TACR1: variants seen among roughly 807,000 people sequenced by gnomAD.
The protein encoded by TACR1 is tachykinin receptor 1.
In TACR1, 25 loss-of-function variants were observed where a neutral mutation model predicts 35.8. The ratio of observed to expected loss-of-function variants is 0.70; its 90% CI spans 0.51 to 0.98. The LOEUF (loss-of-function observed/expected upper bound fraction) is 0.98, where lower values mean the gene tolerates loss of function less well. TACR1 is among the 50% of genes least tolerant of loss of function. TACR1 has a pLI of 0.00. For synonymous variants in TACR1, 195 were observed against 206.7 expected (o/e 0.94, Z 0.48); for missense variants, 478 against 522.9 (o/e 0.91, Z 0.84).
intron 1 of TACR1, among the ~76,000 whole-genome samples, chr2:75,147,917 TG>T (rs1674551538): frequency 6.6e-6 from 1 of 152,022 alleles, no homozygotes; most frequent in African/African-American, 2.4e-5. Context: ...GCTAATTTTT[TG>T]TATTTTTTTA....
At chr2:75,089,126 G>T (rs548311273) in intron 2 of TACR1, among the ~76,000 whole-genome samples, 1 of 152,320 alleles carries the variant, frequency 6.6e-6, no homozygotes, top group South Asian at 2.1e-4. Context: ...CTGCAAGGCA[G>T]GTACAGAGCT....
intron 2 of TACR1, among the ~76,000 whole-genome samples, chr2:75,089,475 C>A (rs1024225713): frequency 6.6e-6 from 1 of 152,076 alleles, no homozygotes; most frequent in African/African-American, 2.4e-5. Flanking sequence ...TAAACATGAG[C>A]GGGTTAAGAG....
At chr2:75,063,660 A>T (rs908418637) in intron 2 of TACR1, among the ~76,000 whole-genome samples, 1 of 152,036 alleles carries the variant, frequency 6.6e-6, no homozygotes, top group Non-Finnish European at 1.5e-5. Flanking sequence ...ATCCCTCCTT[A>T]CTGGTGTCAG....
Position 75,049,260 on chromosome 2 carries a change from G to A in TACR1, c.*172C>T. 1.4e-6 allele frequency: 1 copy of A among 703,708 alleles called. No individual in the cohort carries two copies. The highest frequency in any genetic ancestry group is 2.3e-6 in the Non-Finnish European group (1 of 434,250). The allele number at this position is 703,708 out of a possible 1,614,324, so 43.6% of individuals were successfully genotyped here. ...GCATGAGGGTGGCAAAGATAGGGAA[G>A]AATTGAGATTTTTTGACTCAAGGAT... is the stretch of plus-strand genomic sequence containing the variant. On this transcript the variant is annotated 3_prime_UTR_variant, in exon 5 of 5. Transcript: ENST00000305249.
At chr2:75,138,867 CCT>C (rs1449871380) in intron 1 of TACR1, among the ~76,000 whole-genome samples, 1 of 152,178 alleles carries the variant, frequency 6.6e-6, no homozygotes, top group African/African-American at 2.4e-5. Context: ...TACCACCCCT[CCT>C]CTCAGGAAGC....
At chr2:75,142,974 G>T (rs1427404175) in intron 1 of TACR1, among the ~76,000 whole-genome samples, 1 of 152,172 alleles carries the variant, frequency 6.6e-6, no homozygotes, top group Non-Finnish European at 1.5e-5. Flanking sequence ...GTGCAGGGTG[G>T]ATGCCAAGGA....
intron 3 of TACR1, among the ~76,000 whole-genome samples, chr2:75,051,853 A>G (rs951744292): frequency 3.3e-5 from 5 of 152,122 alleles, no homozygotes; most frequent in African/African-American, 1.2e-4. Context: ...GAACACAGGG[A>G]GACAAATTAA....
chr2:75,091,275 C>T (rs774926528), intron 2 of TACR1, among the ~76,000 whole-genome samples: 16 of 149,968 alleles, frequency 1.1e-4, no homozygotes, highest in African/African-American at 2.7e-4. Context: ...ATGGTGAACT[C>T]GGGAAATTAC....
At chr2:75,076,109 T>G (rs1048039416) in intron 2 of TACR1, among the ~76,000 whole-genome samples, 1 of 152,246 alleles carries the variant, frequency 6.6e-6, no homozygotes, top group Non-Finnish European at 1.5e-5. Flanking sequence ...TACTGGACTT[T>G]AAGCAAGTCT....
intron 2 of TACR1, among the ~76,000 whole-genome samples, chr2:75,110,309 A>G (rs938242361): frequency 1.3e-5 from 2 of 151,888 alleles, no homozygotes; most frequent in Admixed American, 1.3e-4. Context: ...TCAAGTGATA[A>G]TATTTTTATT....
chr2:75,092,686 G>A (rs1673334881), intron 2 of TACR1, among the ~76,000 whole-genome samples: 1 of 152,148 alleles, frequency 6.6e-6, no homozygotes, highest in Non-Finnish European at 1.5e-5. Flanking sequence ...CACTGGTTGA[G>A]TGTAGACTGG....
rs76517971 is a variant in TACR1 at position 75,121,035 on chromosome 2, T to C, written c.390-267A>G. Among the ~76,000 whole-genome samples the C allele has an allele frequency of 8.9e-3, 1,356 of 152,276 alleles. 10 individuals are homozygous for C. Among genetic ancestry groups the C allele is most frequent in the Middle Eastern group, 0.037 (11 of 294 alleles). On this transcript the variant is annotated intron_variant, in intron 1 of 4. Transcript: ENST00000305249. ...ATTCAAGGAGAGACATTTTCATCAT[T>C]GAAATGCTTGTGCTGGGGACAGGAC... is the stretch of plus-strand genomic sequence containing the variant.
intron 1 of TACR1, among the ~76,000 whole-genome samples, chr2:75,128,432 G>C (rs1027280026): frequency 6.6e-6 from 1 of 152,166 alleles, no homozygotes; most frequent in Non-Finnish European, 1.5e-5. Context: ...ACTAAGGTCT[G>C]ATGTGAACGA....
At chr2:75,120,443 T>G in intron 2 of TACR1, 131 bp downstream of exon 2, 1 of 799,718 alleles carries the variant, frequency 1.3e-6, no homozygotes, top group African/African-American at 1.7e-5. Flanking sequence ...AGGGTATATG[T>G]GAGAAATGCT....
intron 2 of TACR1, among the ~76,000 whole-genome samples, chr2:75,095,046 A>T (rs1174465991): frequency 6.6e-6 from 1 of 151,740 alleles, no homozygotes; most frequent in Non-Finnish European, 1.5e-5. Flanking sequence ...ATGGAGTGAG[A>T]GTCATGCTCT....
chr2:75,077,454 A>G (rs933852812), intron 2 of TACR1, among the ~76,000 whole-genome samples: 1 of 152,206 alleles, frequency 6.6e-6, no homozygotes, highest in Non-Finnish European at 1.5e-5. Flanking sequence ...CATTCCTGTA[A>G]GGTAGACTCT....
chr2:75,112,946 G>A (rs887991871), intron 2 of TACR1, among the ~76,000 whole-genome samples: 18 of 152,118 alleles, frequency 1.2e-4, no homozygotes, highest in African/African-American at 3.6e-4. Flanking sequence ...TGTAAATGGA[G>A]TTGGTCTGAA....
At chr2:75,116,338 G>A (rs921556287) in intron 2 of TACR1, among the ~76,000 whole-genome samples, 5 of 152,194 alleles carry the variant, frequency 3.3e-5, no homozygotes, top group East Asian at 1.9e-4. Flanking sequence ...GAGCTTAAGC[G>A]ATCTACCTGC....
chr2:75,090,302 C>T (rs986299231), intron 2 of TACR1, among the ~76,000 whole-genome samples: 2 of 152,204 alleles, frequency 1.3e-5, no homozygotes, highest in South Asian at 4.1e-4. Context: ...CCTCCTCAGC[C>T]AGGGCTCTTA....
Sources: allele counts gnomAD v4.1 joint callset (sites outside exome capture counted in the v4.1 genomes callset), GRCh38; gene constraint gnomAD v4.1.1; transcripts MANE v1.5; gene names NCBI Gene and HGNC (gene_info 2026-07-23, HGNC 2026-07-21).